The following SOX6 variants were observed in gnomAD, a reference collection of about 807,000 sequenced individuals.
The protein encoded by SOX6 is transcription factor SOX-6.
A neutral mutation model predicts 97.8 loss-of-function variants in SOX6; 11 were observed. The observed-to-expected ratio is 0.11, with a 90% CI of 0.07 to 0.19. The LOEUF (loss-of-function observed/expected upper bound fraction) is 0.19. Among genes scored for constraint, SOX6 ranks in the 10% least tolerant of loss-of-function variants. The probability of loss-of-function intolerance (pLI) is 1.00; values close to 1 mark genes in which losing one functional copy is unlikely to be tolerated. For missense variants in SOX6, 810 were observed against 1,039.5 expected (o/e 0.78, Z 3.04); for synonymous variants, 360 against 371.4 (o/e 0.97, Z 0.35).
intron 3 of SOX6, among the ~76,000 whole-genome samples, chr11:16,287,624 T>C (rs1184955382): frequency 6.6e-6 from 1 of 152,122 alleles, no homozygotes; most frequent in Non-Finnish European, 1.5e-5. Context: ...AATTTCCTCA[T>C]TTCTAGAATA....
intron 2 of SOX6, among the ~76,000 whole-genome samples, chr11:16,724,011 G>A (rs1426082310): frequency 6.6e-6 from 1 of 152,074 alleles, no homozygotes; most frequent in Non-Finnish European, 1.5e-5. Flanking sequence ...ATTCACATTT[G>A]TACTATATTA....
chr11:16,330,064 C>G (rs948719489), intron 2 of SOX6, among the ~76,000 whole-genome samples: 1 of 152,042 alleles, frequency 6.6e-6, no homozygotes, highest in Non-Finnish European at 1.5e-5. Context: ...GAGTGTGTTC[C>G]AATTGTTTCT....
intron 4 of SOX6, among the ~76,000 whole-genome samples, chr11:16,604,559 G>A (rs1310169132): frequency 6.6e-6 from 1 of 152,116 alleles, no homozygotes; most frequent in Non-Finnish European, 1.5e-5. Flanking sequence ...GACGTCATCC[G>A]AGCGCCCATT....
At chr11:16,636,429 T>A (rs994147733) in intron 3 of SOX6, among the ~76,000 whole-genome samples, 5 of 152,204 alleles carry the variant, frequency 3.3e-5, no homozygotes, top group African/African-American at 1.2e-4. Context: ...CCTCATTGCA[T>A]CTAGGAAGTA....
At chr11:16,123,263 T>C (rs1452829977) in intron 6 of SOX6, among the ~76,000 whole-genome samples, 1 of 152,054 alleles carries the variant, frequency 6.6e-6, no homozygotes, top group Admixed American at 6.6e-5. Context: ...AATGAATGAA[T>C]GTCAGAAAAG....
At chr11:16,047,206 T>C (rs923802504) in intron 11 of SOX6, among the ~76,000 whole-genome samples, 5 of 152,102 alleles carry the variant, frequency 3.3e-5, no homozygotes, top group African/African-American at 9.7e-5. Flanking sequence ...TTTAGTGATA[T>C]CTGTATCTGT....
At chr11:16,647,118 G>T (rs1328202564) in intron 3 of SOX6, among the ~76,000 whole-genome samples, 1 of 152,052 alleles carries the variant, frequency 6.6e-6, no homozygotes, top group Non-Finnish European at 1.5e-5. Flanking sequence ...GTTTTGATTT[G>T]CATTTGTGGA....
At chr11:16,498,824 C>G (rs545787606) in intron 4 of SOX6, among the ~76,000 whole-genome samples, 9 of 152,134 alleles carry the variant, frequency 5.9e-5, no homozygotes, top group Non-Finnish European at 2.9e-5. Context: ...CCTTAGAGAC[C>G]TACAAAGAAA....
chr11:16,522,156 G>A (rs1861077261), intron 4 of SOX6, among the ~76,000 whole-genome samples: 1 of 152,056 alleles, frequency 6.6e-6, no homozygotes, highest in Non-Finnish European at 1.5e-5. Context: ...CTCAAGAAGA[G>A]CAACTCCAAG....
chr11:16,531,327 C>T lies in SOX6; in HGVS notation n.610-54939G>A, dbSNP rs73435556. On this transcript the variant is annotated intron_variant and non_coding_transcript_variant, in intron 4 of 5. Coordinates refer to the SOX6 transcript ENST00000524520. ...CAAGTAGCTATCCAGTATTAAAATG[C>T]CCCCATTTGAAGATAAGCAATAAGA... is the stretch of plus-strand genomic sequence containing the variant. Among the ~76,000 whole-genome samples the T allele has an allele frequency of 2.4e-4, 37 of 151,432 alleles. 2 individuals are homozygous for T. The highest frequency in any genetic ancestry group is 4.1e-4 in the Non-Finnish European group (28 of 67,760).
chr11:16,719,754 C>A (rs1040687634), intron 2 of SOX6, among the ~76,000 whole-genome samples: 1 of 151,982 alleles, frequency 6.6e-6, no homozygotes, highest in African/African-American at 2.4e-5. Flanking sequence ...TGAGACCTCA[C>A]CTCTACAAAA....
At chr11:16,069,836 C>T (rs1478330850) in intron 9 of SOX6, among the ~76,000 whole-genome samples, 1 of 152,136 alleles carries the variant, frequency 6.6e-6, no homozygotes, top group Non-Finnish European at 1.5e-5. Context: ...TTAACCCCTG[C>T]AGCCAGCTCA....
At chr11:16,589,994 T>C (rs1037884782) in intron 4 of SOX6, among the ~76,000 whole-genome samples, 49 of 152,102 alleles carry the variant, frequency 3.2e-4, no homozygotes, top group African/African-American at 1.1e-3. Flanking sequence ...ATAAAAAAGG[T>C]TAAAATAATA....
chr11:16,308,421 C>T (rs942447409), intron 3 of SOX6, among the ~76,000 whole-genome samples: 3 of 152,006 alleles, frequency 2.0e-5, no homozygotes, highest in Non-Finnish European at 4.4e-5. Flanking sequence ...GAAACTAGTG[C>T]TTAGATCAAT....
chr11:16,005,349 T>C (rs1854517735), intron 13 of SOX6, among the ~76,000 whole-genome samples: 1 of 151,458 alleles, frequency 6.6e-6, no homozygotes, highest in Admixed American at 6.6e-5. Context: ...TCTCCGCAGT[T>C]CCCATATATG....
chr11:16,643,708 C>T (rs977639570), intron 3 of SOX6, among the ~76,000 whole-genome samples: 4 of 152,346 alleles, frequency 2.6e-5, no homozygotes, highest in South Asian at 2.1e-4. Flanking sequence ...TAGGACCCTC[C>T]GAGCCAGGCG....
intron 1 of SOX6, among the ~76,000 whole-genome samples, chr11:16,451,983 AAAATAAATAAAT>A (rs58495641): frequency 2.1e-5 from 3 of 143,864 alleles, no homozygotes; most frequent in Non-Finnish European, 3.0e-5. Flanking sequence ...ACCCTATCTA[AAAATAAATAAAT>A]AAATAAATAA....
intron 3 of SOX6, among the ~76,000 whole-genome samples, chr11:16,621,817 G>C (rs578098599): frequency 3.9e-5 from 6 of 152,212 alleles, no homozygotes; most frequent in Admixed American, 2.0e-4. Flanking sequence ...TTCCTCATAG[G>C]AGACATCCTA....
intron 6 of SOX6, among the ~76,000 whole-genome samples, chr11:16,171,647 T>C (rs1304342083): frequency 6.6e-6 from 1 of 151,756 alleles, no homozygotes; most frequent in East Asian, 1.9e-4. Flanking sequence ...CTTGAAAAAA[T>C]AAAACAAAGT....
Sources: gnomAD v4.1 joint callset for allele counts (sites outside exome capture counted in the v4.1 genomes callset) on GRCh38, gnomAD v4.1.1 for gene constraint, MANE v1.5 for transcripts, NCBI Gene and HGNC (gene_info 2026-07-23, HGNC 2026-07-21) for gene names.